CTNNA1: variants seen among roughly 807,000 people sequenced by gnomAD.
The protein encoded by CTNNA1 is catenin alpha-1.
A neutral mutation model predicts 98.4 loss-of-function variants in CTNNA1; 37 were observed. The ratio of observed to expected loss-of-function variants is 0.38; its 90% CI spans 0.29 to 0.49. The LOEUF is 0.49. Ranked by LOEUF, CTNNA1 falls within the 20% of genes least tolerant of loss-of-function variation. The pLI, the probability that CTNNA1 is intolerant of heterozygous loss-of-function variation, is 0.95. For missense variants in CTNNA1, 761 were observed against 1,147.2 expected, an observed-to-expected ratio of 0.66 and a Z score of 4.86; for synonymous variants, 404 against 413.2, an observed-to-expected ratio of 0.98 and a Z score of 0.27.
chr5:138,837,568 TTCTCCTCTCTCCTCTCTCTTCTCTC>T (rs967630070), intron 7 of CTNNA1, among the ~76,000 whole-genome samples: 14 of 134,786 alleles, frequency 1.0e-4, no homozygotes, highest in Admixed American at 7.6e-4. Flanking sequence ...TTCTCTTCTC[TTCTCCTCTCTCCTCTCTCTTCTCTC>T]TCTCCTCTCT....
rs901851941 is a variant in CTNNA1 at position 138,915,373 on chromosome 5, G to C, written c.1390-2369G>C. 2.6e-5 allele frequency among the ~76,000 whole-genome samples: 4 copies of C among 152,130 alleles called. No homozygotes were observed. In the South Asian group the frequency reaches 8.3e-4, roughly 32 times the overall value. ...CCTGACATCATCAGCTATCAGGATG[G>C]TGGTCACTTCAGATCCACTAGCATG... On this transcript the variant is annotated intron_variant, in intron 10 of 17. Transcript: ENST00000302763.
At chr5:138,926,246 C>G (rs1211604354) in intron 13 of CTNNA1, among the ~76,000 whole-genome samples, 1 of 152,196 alleles carries the variant, frequency 6.6e-6, no homozygotes, top group African/African-American at 2.4e-5. Flanking sequence ...CCATGTGTCA[C>G]TCAGCCCCTT....
intron 1 of CTNNA1, chr5:138,754,151 A>G (rs1056913924): frequency 1.3e-5 from 2 of 151,266 alleles, no homozygotes; most frequent in African/African-American, 4.9e-5. Context: ...GGACTCGGGG[A>G]TTACTCAGCT....
In CTNNA1 at chr5:138,810,037, G is replaced by A; in HGVS notation, c.302-1G>A. On this transcript the variant is annotated splice_acceptor_variant, in intron 3 of 17. Coordinates refer to ENST00000302763, the MANE Select transcript of CTNNA1 (RefSeq NM_001903.5). LOFTEE classifies it high-confidence loss of function. ...AGTTTGTTTTTCATTCTGTAAAACA[G>A]GTGATTTGATGAAGGCTGCTGCAGG... The A allele has an allele frequency of 6.3e-7, 1 of 1,599,056 alleles. No homozygotes were observed. The highest frequency in any genetic ancestry group is 8.6e-7 in the Non-Finnish European group (1 of 1,167,846).
rs553685726 is a variant in CTNNA1, at chr5:138,850,950, T to C, written c.1062+23232T>C. Among the ~76,000 whole-genome samples the C allele has an allele frequency of 4.6e-5, 7 of 152,336 alleles. No homozygotes were observed. In the East Asian group the frequency reaches 1.3e-3, roughly 29 times the overall value. On this transcript the variant is annotated intron_variant, in intron 7 of 17. Transcript: ENST00000302763. ...CTTTAGCCATGCACAAACGTTCTGT[T>C]AGGGGAATATTGAGCATTACCTTAA...
At chr5:138,796,456 A>G (rs899563442) in intron 3 of CTNNA1, among the ~76,000 whole-genome samples, 24 of 152,102 alleles carry the variant, frequency 1.6e-4, no homozygotes, top group Admixed American at 1.2e-3. Flanking sequence ...AGGCAGGAGA[A>G]TGGCGTGAAC....
chr5:138,817,115 T>A (rs774539484), intron 5 of CTNNA1, among the ~76,000 whole-genome samples: 2 of 152,266 alleles, frequency 1.3e-5, no homozygotes, highest in Non-Finnish European at 2.9e-5. Context: ...ACATATTTTC[T>A]CCTGTTCTTC....
At chr5:138,830,050 C>G (rs1289340234) in intron 7 of CTNNA1, among the ~76,000 whole-genome samples, 1 of 152,122 alleles carries the variant, frequency 6.6e-6, no homozygotes, top group Non-Finnish European at 1.5e-5. Context: ...GCCTGTAGTC[C>G]CAGCTGCTCT....
rs540396396 is a variant in CTNNA1 at position 138,824,916 on chromosome 5, A to T, written c.858+117A>T. 69 of 897,816 alleles carry T rather than the reference A, an allele frequency of 7.7e-5. 1 individual carries two copies. In the South Asian group the frequency reaches 1.1e-3, roughly 15 times the overall value. The allele number at this position is 897,816 out of a possible 1,614,324, so 55.6% of individuals were successfully genotyped here. A position where few individuals can be genotyped will look rare whatever the true frequency, so the allele number is the denominator to read the frequency against. ...TAGCTCAATTTCCACTTAGATCTTT[A>T]ATCTAAGTCAAAAGAAATTATGAAT... On this transcript the variant is annotated intron_variant, in intron 6 of 17. Coordinates refer to ENST00000302763, the MANE Select transcript of CTNNA1 (RefSeq NM_001903.5).
intron 1 of CTNNA1, among the ~76,000 whole-genome samples, chr5:138,756,652 T>C (rs1017814333): frequency 1.3e-5 from 2 of 152,146 alleles, no homozygotes; most frequent in African/African-American, 4.8e-5. Flanking sequence ...TTGGGTACTT[T>C]TTCAGTGGGG....
Position 138,874,833 on chromosome 5 carries a change from A to T in CTNNA1, c.1063-11379A>T, listed in dbSNP as rs1052397111. On this transcript the variant is annotated intron_variant, in intron 7 of 17. Transcript: ENST00000302763. This position sits in a 1 kb window ranked among gnomAD's most constrained non-coding sequence, Gnocchi z 4.1. ...ATATGATGGTGATTTCCCTCATAAAATGTGAATTCGGTAGCTTATTTTAAA... is the reference window on the plus strand; with the variant it reads ...ATATGATGGTGATTTCCCTCATAAATTGTGAATTCGGTAGCTTATTTTAAA... The T allele has an allele frequency of 3.6e-6, 5 of 1,401,770 alleles. No individual in the cohort carries two copies. Among genetic ancestry groups the T allele is most frequent in the Non-Finnish European group, 5.0e-6 (5 of 999,224 alleles). 86.8% of individuals were successfully genotyped at this position (1,401,770 alleles called of 1,614,324 possible).
intron 1 of CTNNA1, among the ~76,000 whole-genome samples, chr5:138,761,292 T>C (rs1025707429): frequency 6.6e-6 from 1 of 152,172 alleles, no homozygotes; most frequent in African/African-American, 2.4e-5. Context: ...TGGAGTGCAG[T>C]GGCATGATCT....
intron 5 of CTNNA1, among the ~76,000 whole-genome samples, chr5:138,815,003 C>T (rs1005186294): frequency 3.9e-5 from 6 of 152,194 alleles, no homozygotes; most frequent in Admixed American, 6.5e-5. Flanking sequence ...CCACCTGCCT[C>T]GGTCTCCCAA....
At chr5:138,822,416 A>G (rs1245424240) in intron 5 of CTNNA1, among the ~76,000 whole-genome samples, 1 of 152,228 alleles carries the variant, frequency 6.6e-6, no homozygotes, top group African/African-American at 2.4e-5. Context: ...ACTAACCTTT[A>G]TAAGAAGCTA....
chr5:138,873,418 A>G lies in CTNNA1; in HGVS notation c.1063-12794A>G, dbSNP rs757948391. 20 of 1,613,834 alleles carry G rather than the reference A, an allele frequency of 1.2e-5. No individual in the cohort carries two copies. In the East Asian group the frequency reaches 3.3e-4, roughly 27 times the overall value. ...AACTTGATGAGCTTATTCTTTTTGT[A>G]TATTCAGTGGTTGGATCTCTATAAG... On this transcript the variant is annotated intron_variant, in intron 7 of 17. Transcript: ENST00000302763. The surrounding 1 kb of genome is among the most constrained non-coding windows in gnomAD (Gnocchi z 6.1).
chr5:138,797,391 T>C (rs1211008328), intron 3 of CTNNA1, among the ~76,000 whole-genome samples: 1 of 152,188 alleles, frequency 6.6e-6, no homozygotes, highest in Admixed American at 6.5e-5. Flanking sequence ...ATAAACACAT[T>C]GTGATCTCCA....
chr5:138,777,195 A>G (rs1436607639), intron 1 of CTNNA1, among the ~76,000 whole-genome samples: 20 of 151,506 alleles, frequency 1.3e-4, no homozygotes, highest in African/African-American at 4.6e-4. Context: ...GCGGCCGGGT[A>G]GAGGCGCTCC....
chr5:138,880,963 A>G lies in CTNNA1; in HGVS notation c.1063-5249A>G, dbSNP rs1032263491. ...AAAAAAAAAACACATTGAATATGTG[A>G]TGTTGTTAATGCAAAGAAAATTCAT... On this transcript the variant is annotated intron_variant, in intron 7 of 17. Coordinates refer to ENST00000302763, the MANE Select transcript of CTNNA1 (RefSeq NM_001903.5). The G allele has an allele frequency of 3.9e-5, 17 of 439,578 alleles. No individual in the cohort carries two copies. In the Middle Eastern group the frequency reaches 1.0e-3, roughly 26 times the overall value. 27.2% of individuals were successfully genotyped at this position (439,578 alleles called of 1,614,324 possible). A position where few individuals can be genotyped will look rare whatever the true frequency, so the allele number is the denominator to read the frequency against.
At chr5:138,898,508 T>C (rs1015836904) in intron 9 of CTNNA1, among the ~76,000 whole-genome samples, 2 of 151,654 alleles carry the variant, frequency 1.3e-5, no homozygotes, top group Non-Finnish European at 2.9e-5. Context: ...GTGGTTCATA[T>C]AATACCATGT....
Sources: gnomAD v4.1 joint callset for allele counts (sites outside exome capture counted in the v4.1 genomes callset) on GRCh38, gnomAD v4.1.1 for gene constraint, Gnocchi (gnomAD v3.1) non-coding constraint, MANE v1.5 for transcripts, NCBI Gene and HGNC (gene_info 2026-07-23, HGNC 2026-07-21) for gene names.